The following SOCS4 variants were observed in gnomAD, a reference collection of about 807,000 sequenced individuals.
SOCS4 encodes the protein SH2 domain containing SOCS box protein.
SOCS4 carries 20 observed loss-of-function variants against 34.1 expected under a neutral mutation model. The ratio of observed to expected loss-of-function variants is 0.59; its 90% CI spans 0.41 to 0.85. The LOEUF (loss-of-function observed/expected upper bound fraction) is 0.85. Ranked by LOEUF, SOCS4 falls within the 40% of genes least tolerant of loss-of-function variation. SOCS4 has a pLI of 0.00. For synonymous variants in SOCS4, 180 were observed against 186.4 expected, an observed-to-expected ratio of 0.97 and a Z score of 0.28; for missense variants, 479 against 532.4, an observed-to-expected ratio of 0.90 and a Z score of 0.99.
At chr14:55,028,710 C>A (rs1023612265) in intron 1 of SOCS4, among the ~76,000 whole-genome samples, 1 of 152,184 alleles carries the variant, frequency 6.6e-6, no homozygotes, top group African/African-American at 2.4e-5. Context: ...TCTTATCAAT[C>A]AAGCCATTTG....
rs1305503134 is a variant in SOCS4 at position 55,048,696 on chromosome 14, G to T, written c.*4332G>T. 2 of 167,038 alleles carry T rather than the reference G, an allele frequency of 1.2e-5. No homozygotes were observed. The highest frequency in any genetic ancestry group is 4.8e-5 in the African/African-American group (2 of 41,450). 10.3% of individuals were successfully genotyped at this position (167,038 alleles called of 1,614,324 possible). On this transcript the variant is annotated 3_prime_UTR_variant, in exon 3 of 3. Coordinates refer to ENST00000555846, the MANE Select transcript of SOCS4 (RefSeq NM_199421.2). ...TAATGGATATAACCCAATAGAAAGG[G>T]ATTTTCAAATAAAACCAAAGTCTAT...
chr14:55,028,481 A>T (rs1187876), intron 1 of SOCS4, among the ~76,000 whole-genome samples: 74,821 of 151,844 alleles, frequency 0.49, 19,996 homozygotes, highest in East Asian at 0.78. Flanking sequence ...CGTTCAAGTA[A>T]CAATATCATT....
In SOCS4 at chr14:55,043,405, A is replaced by C; in HGVS notation, c.364A>C (p.Ile122Leu). 1 of 1,614,154 alleles carries C rather than the reference A, an allele frequency of 6.2e-7. No homozygotes were observed. The highest frequency in any genetic ancestry group is 8.5e-7 in the Non-Finnish European group (1 of 1,180,030). The part of the protein sequence containing the change: ...HSSGLPSKRK[I>L]HISELMLDKC... ...TTCAGGGCTTCCGTCTAAAAGGAAA[A>C]TTCATATCAGTGAACTCATGTTAGA... Residue 122 changes from isoleucine (I) to leucine (L), a missense_variant, in exon 3 of 3, where the codon ATT (isoleucine) becomes CTT (leucine). Coordinates refer to ENST00000555846, the MANE Select transcript of SOCS4 (RefSeq NM_199421.2).
rs984180066 is a variant in SOCS4 at position 55,047,945 on chromosome 14, A to T, written c.*3581A>T. The T allele has an allele frequency of 1.2e-5, 2 of 166,970 alleles. No individual in the cohort carries two copies. The highest frequency in any genetic ancestry group is 2.4e-5 in the African/African-American group (1 of 41,434). The allele number at this position is 166,970 out of a possible 1,614,324, so 10.3% of individuals were successfully genotyped here. On this transcript the variant is annotated 3_prime_UTR_variant, in exon 3 of 3. Coordinates refer to ENST00000555846, the MANE Select transcript of SOCS4 (RefSeq NM_199421.2). Reference sequence around the variant, plus strand: ...TGAGATCTCTTTTTTTTTGAGACAGAGTCTCGCTGTTGTCAGCCCAGGCTG... The same window carrying T: ...TGAGATCTCTTTTTTTTTGAGACAGTGTCTCGCTGTTGTCAGCCCAGGCTG...
intron 1 of SOCS4, among the ~76,000 whole-genome samples, chr14:55,028,999 G>GT (rs763040959): frequency 2.0e-5 from 3 of 152,100 alleles, no homozygotes; most frequent in Non-Finnish European, 4.4e-5. Context: ...GGTATTTAGT[G>GT]TTTTTTGTTT....
rs958678756 is a variant in SOCS4 at position 55,045,579 on chromosome 14, G to A, written c.*1215G>A. The A allele has an allele frequency of 1.2e-5, 2 of 166,802 alleles. No homozygotes were observed. The highest frequency in any genetic ancestry group is 4.8e-5 in the African/African-American group (2 of 41,434). The allele number at this position is 166,802 out of a possible 1,614,324, so 10.3% of individuals were successfully genotyped here. A position where few individuals can be genotyped will look rare whatever the true frequency, so the allele number is the denominator to read the frequency against. Reference sequence around the variant, plus strand: ...CCATACAGAACAGTACTGGACAAAAGGGGTGATATTTTAAATTTACTATCC... The same window carrying A: ...CCATACAGAACAGTACTGGACAAAAAGGGTGATATTTTAAATTTACTATCC... On this transcript the variant is annotated 3_prime_UTR_variant, in exon 3 of 3. Coordinates refer to ENST00000555846, the MANE Select transcript of SOCS4 (RefSeq NM_199421.2).
At chr14:55,030,962 A>C (rs1322242521) in intron 1 of SOCS4, among the ~76,000 whole-genome samples, 1 of 152,194 alleles carries the variant, frequency 6.6e-6, no homozygotes, top group East Asian at 1.9e-4. Flanking sequence ...AATTCAAGGA[A>C]ATAAGCCAAA....
intron 2 of SOCS4, among the ~76,000 whole-genome samples, chr14:55,033,405 C>A (rs189765574): frequency 6.6e-6 from 1 of 152,222 alleles, no homozygotes; most frequent in Admixed American, 6.5e-5. Flanking sequence ...GTTTGATAGA[C>A]TTCTCTCATT....
intron 2 of SOCS4, among the ~76,000 whole-genome samples, chr14:55,040,883 C>T (rs1003873797): frequency 9.3e-5 from 14 of 151,266 alleles, no homozygotes; most frequent in African/African-American, 3.4e-4. Context: ...TAACTATAAT[C>T]ACCAGATGGT....
In SOCS4 at chr14:55,048,156, G is replaced by C. The variant is rs2042693653; in HGVS notation, c.*3792G>C. 1 of 166,588 alleles carries C rather than the reference G, an allele frequency of 6.0e-6. No individual in the cohort carries two copies. The highest frequency in any genetic ancestry group is 1.5e-5 in the Non-Finnish European group (1 of 68,154). The allele number at this position is 166,588 out of a possible 1,614,324, so 10.3% of individuals were successfully genotyped here. On this transcript the variant is annotated 3_prime_UTR_variant, in exon 3 of 3. Transcript: ENST00000555846. The stretch of plus-strand genomic sequence containing the variant: ...GGCTGGTCTCGAACTCCTGACCTCA[G>C]GTGACCACCCGCCTCAGCCTCCCAA...
chr14:55,043,938 A>G lies in SOCS4; in HGVS notation c.897A>G (p.Leu299=). Residue 299 remains leucine (L), a synonymous_variant, in exon 3 of 3, where the codon CTA becomes CTG. Transcript: ENST00000555846. ...TGGATAAATACGCAGCCGAAGCACT[A>G]CTGGAAGGAAAACCAGAGGGTACCT... is the stretch of plus-strand genomic sequence containing the variant. ...GVMDKYAAEA[L]LEGKPEGTFL... The G allele has an allele frequency of 3.1e-6, 5 of 1,614,198 alleles. No individual in the cohort carries two copies. The highest frequency in any genetic ancestry group is 4.2e-6 in the Non-Finnish European group (5 of 1,180,024).
intron 2 of SOCS4, among the ~76,000 whole-genome samples, chr14:55,035,130 G>A (rs1328878735): frequency 6.6e-6 from 1 of 152,102 alleles, no homozygotes; most frequent in Non-Finnish European, 1.5e-5. Context: ...CAAAGTACTG[G>A]GATTACAGAC....
Position 55,048,611 on chromosome 14 carries a change from T to C in SOCS4, c.*4247T>C, listed in dbSNP as rs1305129830. On this transcript the variant is annotated 3_prime_UTR_variant, in exon 3 of 3. Transcript: ENST00000555846. ...TGTACTATTCTAATACAGTAAGATATTGGACACAAAATGGAGGTAACTTTT... is the reference window on the plus strand; with the variant it reads ...TGTACTATTCTAATACAGTAAGATACTGGACACAAAATGGAGGTAACTTTT... 6.0e-6 allele frequency: 1 copy of C among 167,052 alleles called. No homozygotes were observed. The highest frequency in any genetic ancestry group is 1.9e-4 in the East Asian group (1 of 5,208). 10.3% of individuals were successfully genotyped at this position (167,052 alleles called of 1,614,324 possible).
intron 2 of SOCS4, among the ~76,000 whole-genome samples, chr14:55,037,450 T>C (rs369546419): frequency 6.6e-6 from 1 of 151,902 alleles, no homozygotes; most frequent in Non-Finnish European, 1.5e-5. Context: ...CAATCATATT[T>C]TTAATTTCCA....
chr14:55,031,639 G>A (rs2042529794), intron 1 of SOCS4, among the ~76,000 whole-genome samples: 1 of 152,160 alleles, frequency 6.6e-6, no homozygotes, highest in South Asian at 2.1e-4. Context: ...GGGGAGAAAG[G>A]GAAAGGAGGG....
At chr14:55,028,534 G>A (rs932226908) in intron 1 of SOCS4, among the ~76,000 whole-genome samples, 1 of 151,846 alleles carries the variant, frequency 6.6e-6, no homozygotes, top group South Asian at 2.1e-4. Flanking sequence ...CATAATATTC[G>A]TCTCTATGTT....
Position 55,043,574 on chromosome 14 carries a change from G to A in SOCS4, c.533G>A (p.Arg178Gln), listed in dbSNP as rs557657413. ...GAATTGAGGGATGGTCAGCTAAAAC[G>A]AAGAAATATGGAAGAAAATATAAAC... The part of the protein sequence containing the change: ...QTELRDGQLK[R>Q]RNMEENINCF... Residue 178 changes from arginine (R) to glutamine (Q), a missense_variant, in exon 3 of 3, where the codon CGA becomes CAA. By Grantham distance (43) the Arg-to-Gln change is conservative (BLOSUM62 1). Transcript: ENST00000555846. 1.4e-5 allele frequency: 23 copies of A among 1,613,994 alleles called. No individual in the cohort carries two copies. Among genetic ancestry groups the A allele is most frequent in the Non-Finnish European group, 1.7e-5 (20 of 1,180,028 alleles).
rs1034638552 is a variant in SOCS4 at position 55,045,577 on chromosome 14, A to C, written c.*1213A>C. ...CACCATACAGAACAGTACTGGACAA[A>C]AGGGGTGATATTTTAAATTTACTAT... On this transcript the variant is annotated 3_prime_UTR_variant, in exon 3 of 3. Coordinates refer to ENST00000555846, the MANE Select transcript of SOCS4 (RefSeq NM_199421.2). The C allele has an allele frequency of 3.0e-5, 5 of 166,902 alleles. No homozygotes were observed. The highest frequency in any genetic ancestry group is 9.6e-5 in the African/African-American group (4 of 41,460). The allele number at this position is 166,902 out of a possible 1,614,324, so 10.3% of individuals were successfully genotyped here.
At chr14:55,032,687 G>A (rs574328988) in intron 2 of SOCS4, among the ~76,000 whole-genome samples, 25 of 152,168 alleles carry the variant, frequency 1.6e-4, no homozygotes, top group Admixed American at 1.2e-3. Context: ...TACAGTCAAA[G>A]ATCTTTGATT....
Sources: gnomAD v4.1 joint callset for allele counts (sites outside exome capture counted in the v4.1 genomes callset) on GRCh38, gnomAD v4.1.1 for gene constraint, MANE v1.5 for transcripts, NCBI Gene and HGNC (gene_info 2026-07-23, HGNC 2026-07-21) for gene names.